Variants in FGF14 observed in about 807,000 individuals in gnomAD.
The protein encoded by FGF14 is fibroblast growth factor homologous factor 4.
FGF14 carries 5 observed loss-of-function variants against 25.5 expected under a neutral mutation model. The observed-to-expected ratio is 0.20, with a 90% CI of 0.10 to 0.41. The LOEUF is 0.41. Among genes scored for constraint, FGF14 ranks in the 10% least tolerant of loss-of-function variants. The pLI, the probability that FGF14 is intolerant of heterozygous loss-of-function variation, is 1.00. For missense variants in FGF14, 222 were observed against 320.1 expected, an observed-to-expected ratio of 0.69 and a Z score of 2.34; for synonymous variants, 138 against 118.3, an observed-to-expected ratio of 1.17 and a Z score of -1.08.
intron 1 of FGF14, among the ~76,000 whole-genome samples, chr13:102,085,641 C>T (rs2043860790): frequency 6.6e-6 from 1 of 152,132 alleles, no homozygotes; most frequent in Non-Finnish European, 1.5e-5. Context: ...AATGTATTAT[C>T]CTGGGGAGTT....
rs533531542 is a variant in FGF14, at chr13:101,720,971, T to C, written c.*1860A>G. On this transcript the variant is annotated 3_prime_UTR_variant, in exon 5 of 5. Coordinates refer to ENST00000376143, the MANE Select transcript of FGF14 (RefSeq NM_004115.4). Reference sequence around the variant, plus strand: ...AGCTAAGCAGGCCAGAATTTTTTAATGCTGGGCAAGGGCTGTCATGAAGAA... The same window carrying C: ...AGCTAAGCAGGCCAGAATTTTTTAACGCTGGGCAAGGGCTGTCATGAAGAA... The C allele has an allele frequency of 6.6e-6, 1 of 152,254 alleles. No homozygotes were observed. The highest frequency in any genetic ancestry group is 1.5e-5 in the Non-Finnish European group (1 of 68,006). 9.4% of individuals were successfully genotyped at this position (152,254 alleles called of 1,614,324 possible).
intron 3 of FGF14, among the ~76,000 whole-genome samples, chr13:101,818,116 G>A (rs1252808788): frequency 6.6e-6 from 1 of 152,178 alleles, no homozygotes; most frequent in Non-Finnish European, 1.5e-5. Flanking sequence ...CTAACAGAGG[G>A]AGAAATACCT....
chr13:102,249,776 ACT>A (rs1374121498), intron 1 of FGF14, among the ~76,000 whole-genome samples: 1 of 152,124 alleles, frequency 6.6e-6, no homozygotes, highest in African/African-American at 2.4e-5. Context: ...GTCTTGGGAA[ACT>A]CTTTCACATC....
At chr13:102,030,174 C>G (rs910294531) in intron 1 of FGF14, among the ~76,000 whole-genome samples, 26 of 151,998 alleles carry the variant, frequency 1.7e-4, no homozygotes, top group African/African-American at 5.8e-4. Context: ...GTAAAAGAAG[C>G]ATATTTGTCT....
At chr13:102,299,582 C>T (rs925616235) in intron 1 of FGF14, among the ~76,000 whole-genome samples, 2 of 152,038 alleles carry the variant, frequency 1.3e-5, no homozygotes, top group Non-Finnish European at 2.9e-5. Flanking sequence ...GAATTTCTAC[C>T]TGCACCTTTC....
At chr13:101,946,076 C>T (rs999933628) in intron 1 of FGF14, among the ~76,000 whole-genome samples, 3 of 152,052 alleles carry the variant, frequency 2.0e-5, no homozygotes, top group African/African-American at 7.2e-5. Flanking sequence ...AACTAATATC[C>T]ATGCTAATCT....
At chr13:101,984,843 C>T (rs1004808653) in intron 1 of FGF14, among the ~76,000 whole-genome samples, 2 of 152,008 alleles carry the variant, frequency 1.3e-5, no homozygotes, top group African/African-American at 4.8e-5. Context: ...GAAAATATTA[C>T]AATTATATGC....
chr13:101,764,106 C>T (rs2038227879), intron 3 of FGF14, among the ~76,000 whole-genome samples: 1 of 152,140 alleles, frequency 6.6e-6, no homozygotes, highest in South Asian at 2.1e-4. Flanking sequence ...CCATCACTGA[C>T]ACTGTTAAGA....
At chr13:101,801,419 C>T (rs2040862399) in intron 3 of FGF14, among the ~76,000 whole-genome samples, 1 of 151,820 alleles carries the variant, frequency 6.6e-6, no homozygotes, top group Non-Finnish European at 1.5e-5. Context: ...TCTTGCAACT[C>T]CTCACTCTGC....
intron 3 of FGF14, among the ~76,000 whole-genome samples, chr13:101,822,735 T>C (rs1400126326): frequency 6.6e-6 from 1 of 152,184 alleles, no homozygotes; most frequent in African/African-American, 2.4e-5. Context: ...GTTGGGAACA[T>C]TTCAAATCCA....
chr13:102,075,301 G>A (rs897395324), intron 1 of FGF14, among the ~76,000 whole-genome samples: 7 of 152,116 alleles, frequency 4.6e-5, no homozygotes, highest in African/African-American at 1.7e-4. Context: ...AAGAAATCAA[G>A]AAAGCAATTC....
At chr13:101,869,951 G>A (rs910960788) in intron 2 of FGF14, among the ~76,000 whole-genome samples, 1 of 152,116 alleles carries the variant, frequency 6.6e-6, no homozygotes, top group African/African-American at 2.4e-5. Flanking sequence ...CCTCTCTTCT[G>A]ATTATTACAA....
At chr13:102,152,351 A>C (rs530471649) in intron 1 of FGF14, among the ~76,000 whole-genome samples, 2 of 152,312 alleles carry the variant, frequency 1.3e-5, no homozygotes, top group African/African-American at 4.8e-5. Flanking sequence ...CTCACAAATG[A>C]GAAGTTAGAG....
At chr13:101,872,992 G>A (rs367722275) in intron 2 of FGF14, among the ~76,000 whole-genome samples, 2 of 151,034 alleles carry the variant, frequency 1.3e-5, no homozygotes, top group South Asian at 4.2e-4. Context: ...TTCAAGATTC[G>A]TTCTGAGTTT....
chr13:102,168,012 C>T (rs997138387), intron 1 of FGF14, among the ~76,000 whole-genome samples: 2 of 152,028 alleles, frequency 1.3e-5, no homozygotes, highest in Non-Finnish European at 2.9e-5. Flanking sequence ...GCTGACTCTC[C>T]TTTAGTGAAA....
intron 3 of FGF14, among the ~76,000 whole-genome samples, chr13:101,806,572 G>A (rs944761235): frequency 2.0e-5 from 3 of 151,790 alleles, no homozygotes; most frequent in African/African-American, 4.8e-5. Flanking sequence ...TTTGATAAAT[G>A]TAAGAGTCAA....
In FGF14 at chr13:102,161,574, A is replaced by AGG. The variant is rs370346594; in HGVS notation, c.208+239896_208+239897insCC. The stretch of plus-strand genomic sequence containing the variant: ...TGCAACCAACTTTCTGTGAAGAAAG[A>AGG]AAGAAGAAGAAGAAGAAGAAGAAGA... On this transcript the variant is annotated intron_variant, in intron 1 of 4. Transcript: ENST00000376131. Among the ~76,000 whole-genome samples, 16 of 5,312 alleles carry AGG rather than the reference A, an allele frequency of 3.0e-3. 3 individuals are homozygous for AGG. Among genetic ancestry groups the AGG allele is most frequent in the Non-Finnish European group, 3.6e-3 (11 of 3,062 alleles). 3.5% of individuals were successfully genotyped at this position (5,312 alleles called of 152,430 possible).
At chr13:102,347,986 C>G (rs1207684785) in intron 1 of FGF14, among the ~76,000 whole-genome samples, 1 of 150,432 alleles carries the variant, frequency 6.6e-6, no homozygotes, top group Non-Finnish European at 1.5e-5. Context: ...GCATACGACC[C>G]TAAGTAAGAT....
At chr13:101,920,446 C>T (rs1199877652), upstream of FGF14, among the ~76,000 whole-genome samples, 1 of 152,144 alleles carries the variant, frequency 6.6e-6, no homozygotes, top group Non-Finnish European at 1.5e-5. Context: ...ATTTCTTCAT[C>T]TCTCAAATTG....
Sources: gnomAD v4.1 joint callset for allele counts (sites outside exome capture counted in the v4.1 genomes callset) on GRCh38, gnomAD v4.1.1 for gene constraint, MANE v1.5 for transcripts, NCBI Gene and HGNC (gene_info 2026-07-23, HGNC 2026-07-21) for gene names.